The following NFIC variants were observed in gnomAD, a reference collection of about 807,000 sequenced individuals.
The protein encoded by NFIC is nuclear factor I C.
In NFIC, 12 loss-of-function variants were observed where a neutral mutation model predicts 54.4. The ratio of observed to expected loss-of-function variants is 0.22; its 90% CI spans 0.14 to 0.36. The LOEUF (loss-of-function observed/expected upper bound fraction) is 0.36, where lower values mean the gene tolerates loss of function less well. NFIC is among the 10% of genes least tolerant of loss of function. The pLI is 1.00. For synonymous variants in NFIC, 322 were observed against 319.2 expected, an observed-to-expected ratio of 1.01 and a Z score of -0.09; for missense variants, 575 against 718.2, an observed-to-expected ratio of 0.80 and a Z score of 2.28.
In NFIC at chr19:3,464,451, A is replaced by G; in HGVS notation, c.*1682A>G. The stretch of plus-strand genomic sequence containing the variant: ...CCTCCACCCCCACCCCAGGATCGCC[A>G]TCTTTAGGGGAGGCCTGGGAGGGGG... On this transcript the variant is annotated 3_prime_UTR_variant, in exon 11 of 11. Coordinates refer to ENST00000443272, the MANE Select transcript of NFIC (RefSeq NM_001245002.2). The G allele has an allele frequency of 4.3e-6, 4 of 939,444 alleles. No homozygotes were observed. The highest frequency in any genetic ancestry group is 4.9e-6 in the Non-Finnish European group (4 of 816,180). The allele number at this position is 939,444 out of a possible 1,614,324, so 58.2% of individuals were successfully genotyped here.
At chr19:3,366,539 G>A, upstream of NFIC, 5 of 565,080 alleles carry the variant, frequency 8.8e-6, no homozygotes, top group South Asian at 2.6e-5. Context: ...CGGGGCGGGG[G>A]GGGGGGTTGG....
At chr19:3,404,307 C>T (rs1331215465) in intron 2 of NFIC, among the ~76,000 whole-genome samples, 1 of 151,856 alleles carries the variant, frequency 6.6e-6, no homozygotes, top group East Asian at 2.0e-4. Context: ...ACACATTTGA[C>T]ATTGGCGGGA....
intron 1 of NFIC, among the ~76,000 whole-genome samples, chr19:3,376,200 C>A (rs543240190): frequency 6.6e-6 from 1 of 151,504 alleles, no homozygotes; most frequent in African/African-American, 2.4e-5. Flanking sequence ...GGGGCCGAGG[C>A]GGGAGGATCG....
intron 1 of NFIC, among the ~76,000 whole-genome samples, chr19:3,372,610 G>A (rs190126594): frequency 6.6e-6 from 1 of 152,180 alleles, no homozygotes; most frequent in East Asian, 1.9e-4. Context: ...TCAAACAAGG[G>A]GAAGGGAACC....
intron 10 of NFIC, among the ~76,000 whole-genome samples, chr19:3,461,344 G>A (rs2082635852): frequency 6.6e-6 from 1 of 151,644 alleles, no homozygotes; most frequent in Non-Finnish European, 1.5e-5. Context: ...GATCACTTGA[G>A]CCCAGGAGAT....
intron 2 of NFIC, among the ~76,000 whole-genome samples, chr19:3,389,068 C>G (rs1282995272): frequency 6.6e-6 from 1 of 152,074 alleles, no homozygotes; most frequent in Non-Finnish European, 1.5e-5. Flanking sequence ...TAAAAGTGCC[C>G]TTTGAGGTTA....
At chr19:3,448,107 C>T (rs2082400017) in intron 6 of NFIC, among the ~76,000 whole-genome samples, 1 of 148,032 alleles carries the variant, frequency 6.8e-6, no homozygotes, top group Non-Finnish European at 1.5e-5. Flanking sequence ...GAGTCTTGCT[C>T]TGTAGCCCTG....
intron 2 of NFIC, among the ~76,000 whole-genome samples, chr19:3,398,804 C>T (rs1183700342): frequency 6.6e-6 from 1 of 152,150 alleles, no homozygotes; most frequent in Admixed American, 6.5e-5. Context: ...AAGGGGAGGC[C>T]GGGCCAGCGC....
intron 3 of NFIC, among the ~76,000 whole-genome samples, chr19:3,425,434 G>C (rs1219095742): frequency 6.6e-6 from 1 of 152,108 alleles, no homozygotes; most frequent in African/African-American, 2.4e-5. Flanking sequence ...GACGTTTGAG[G>C]GTTTTTGTTT....
At chr19:3,407,011 CGAGGGGAG>C (rs921687760) in intron 2 of NFIC, among the ~76,000 whole-genome samples, 1 of 63,238 alleles carries the variant, frequency 1.6e-5, no homozygotes, top group African/African-American at 7.3e-5. Flanking sequence ...GAGAGAGGGA[CGAGGGGAG>C]GAGGGGAGGG....
At position 3,464,529 on chromosome 19, in the gene NFIC, C is replaced by T; in HGVS notation, c.*1760C>T. 1 of 745,234 alleles carries T rather than the reference C, an allele frequency of 1.3e-6. No homozygotes were observed. Among genetic ancestry groups the T allele is most frequent in the Admixed American group, 6.5e-5 (1 of 15,498 alleles). 46.2% of individuals were successfully genotyped at this position (745,234 alleles called of 1,614,324 possible). A position where few individuals can be genotyped will look rare whatever the true frequency, so the allele number is the denominator to read the frequency against. On this transcript the variant is annotated 3_prime_UTR_variant, in exon 11 of 11. Transcript: ENST00000443272. ...CAAACACAAGGACCCCTCCCCGGCC[C>T]ACCCAGCCCAGCCCCAACTGACCTC...
At position 3,417,628 on chromosome 19, in the gene NFIC, T is replaced by C. The variant is rs1191495283; in HGVS notation, c.563-7478T>C. 6.9e-5 allele frequency among the ~76,000 whole-genome samples: 10 copies of C among 144,340 alleles called. No homozygotes were observed. In the East Asian group the frequency reaches 7.9e-4, roughly 11 times the overall value. 94.7% of individuals were successfully genotyped at this position (144,340 alleles called of 152,430 possible). A position where few individuals can be genotyped will look rare whatever the true frequency, so the allele number is the denominator to read the frequency against. On this transcript the variant is annotated intron_variant, in intron 2 of 10. Transcript: ENST00000443272. ...ATCTGTGCCTCTTTTTCTTTTCTTT[T>C]TTTTTTTTTTTTTTTGAGATGGAGT...
chr19:3,422,447 G>A (rs2081966715), intron 2 of NFIC, among the ~76,000 whole-genome samples: 2 of 151,622 alleles, frequency 1.3e-5, no homozygotes, highest in African/African-American at 2.4e-5. Flanking sequence ...GCCGGGCGCG[G>A]TGGCTCACGC....
At chr19:3,359,643 G>A (rs2080784458), upstream of NFIC, 3 of 1,353,658 alleles carry the variant, frequency 2.2e-6, no homozygotes, top group South Asian at 1.7e-5. Context: ...GACCGAGCGC[G>A]CTCGCTCCGG....
chr19:3,423,905 C>T (rs980450735), intron 2 of NFIC, among the ~76,000 whole-genome samples: 14 of 152,308 alleles, frequency 9.2e-5, no homozygotes, highest in African/African-American at 3.4e-4. Flanking sequence ...CTCCAGGACT[C>T]ACCTCTCTGG....
intron 2 of NFIC, among the ~76,000 whole-genome samples, chr19:3,387,889 G>C (rs553735801): frequency 2.0e-5 from 3 of 152,126 alleles, no homozygotes; most frequent in Admixed American, 2.0e-4. Context: ...GGCCCAGAGA[G>C]GGAAGCTGTC....
At chr19:3,423,287 C>G (rs573043305) in intron 2 of NFIC, among the ~76,000 whole-genome samples, 5 of 152,298 alleles carry the variant, frequency 3.3e-5, no homozygotes, top group South Asian at 4.1e-4. Context: ...TCAAGTGCTT[C>G]AGGAGTATCC....
intron 1 of NFIC, among the ~76,000 whole-genome samples, chr19:3,361,133 G>GGGGT (rs2080805436): frequency 6.6e-6 from 1 of 152,220 alleles, no homozygotes; most frequent in African/African-American, 2.4e-5. Flanking sequence ...TTGGCCCGAG[G>GGGGT]GGGTCCTGGC....
In NFIC at chr19:3,452,802, G is replaced by A. The variant is rs548786676; in HGVS notation, c.1269+136G>A. 74 of 1,088,480 alleles carry A rather than the reference G, an allele frequency of 6.8e-5. No individual in the cohort carries two copies. The African/African-American group carries it at 8.0e-4, about 12-fold the overall frequency. 67.4% of individuals were successfully genotyped at this position (1,088,480 alleles called of 1,614,324 possible). A position where few individuals can be genotyped will look rare whatever the true frequency, so the allele number is the denominator to read the frequency against. ...TGGCTCTGAAGTCCCCTCCTCTGTC[G>A]TGCTGGGAGGCAGCTGGATTGGGTC... is the stretch of plus-strand genomic sequence containing the variant. On this transcript the variant is annotated intron_variant, in intron 8 of 10. Transcript: ENST00000443272. This position sits in a 1 kb window ranked among gnomAD's most constrained non-coding sequence, Gnocchi z 5.3.
Sources: allele counts gnomAD v4.1 joint callset (sites outside exome capture counted in the v4.1 genomes callset), GRCh38; gene constraint gnomAD v4.1.1; non-coding constraint Gnocchi (gnomAD v3.1); transcripts MANE v1.5; gene names NCBI Gene and HGNC (gene_info 2026-07-23, HGNC 2026-07-21).